The following LTBP1 variants were observed in gnomAD, a reference collection of about 807,000 sequenced individuals.
LTBP1 encodes latent-transforming growth factor beta-binding protein 1.
LTBP1 carries 129 observed loss-of-function variants against 207.6 expected under a neutral mutation model. The ratio of observed to expected loss-of-function variants is 0.62; its 90% CI spans 0.54 to 0.72. The LOEUF is 0.72. Among genes scored for constraint, LTBP1 ranks in the 30% least tolerant of loss-of-function variants. The pLI, the probability that LTBP1 is intolerant of heterozygous loss-of-function variation, is 0.00. For missense variants in LTBP1, 2,281 were observed against 2,217.2 expected, an observed-to-expected ratio of 1.03 and a Z score of -0.58; for synonymous variants, 963 against 833.7, an observed-to-expected ratio of 1.16 and a Z score of -2.67.
At chr2:32,984,234 T>C (rs1683199683) in intron 2 of LTBP1, among the ~76,000 whole-genome samples, 1 of 152,248 alleles carries the variant, frequency 6.6e-6, no homozygotes, top group Non-Finnish European at 1.5e-5. Context: ...ACTTTATTGC[T>C]AGTGATCATC....
chr2:32,989,728 T>C (rs1331468757), intron 2 of LTBP1, among the ~76,000 whole-genome samples: 1 of 152,194 alleles, frequency 6.6e-6, no homozygotes, highest in East Asian at 1.9e-4. Flanking sequence ...TGTGCTTACC[T>C]TTGAAAGATC....
intron 2 of LTBP1, among the ~76,000 whole-genome samples, chr2:33,013,382 C>T (rs1025302526): frequency 1.3e-5 from 2 of 151,770 alleles, no homozygotes; most frequent in Non-Finnish European, 2.9e-5. Flanking sequence ...TTATCTATTT[C>T]TGTTCTTTTT....
chr2:32,947,569 A>T lies in LTBP1; in HGVS notation c.245A>T (p.Glu82Val). Residue 82 changes from glutamate to valine, a missense_variant, in exon 1 of 34, where the codon GAG becomes GTG. Around this residue, in one of 3 missense-constraint regions of LTBP1, gnomAD observed 555 missense variants for 491.0 expected, o/e 1.13. Coordinates refer to ENST00000404816, the MANE Select transcript of LTBP1 (RefSeq NM_206943.4). ...PSRASPGVPS[E>V]RTRRTSKPGG... ...CGTGCCTCCCCCGGGGTCCCCTCGG[A>T]GAGGACCCGGCGCACGAGCAAGCCG... 1 of 1,342,364 alleles carries T rather than the reference A, an allele frequency of 7.4e-7. No homozygotes were observed. The highest frequency in any genetic ancestry group is 9.5e-7 in the Non-Finnish European group (1 of 1,050,378). 83.2% of individuals were successfully genotyped at this position (1,342,364 alleles called of 1,614,324 possible). A position where few individuals can be genotyped will look rare whatever the true frequency, so the allele number is the denominator to read the frequency against.
At chr2:33,397,814 G>A (rs2095373688) in intron 33 of LTBP1, among the ~76,000 whole-genome samples, 4 of 151,724 alleles carry the variant, frequency 2.6e-5, no homozygotes, top group South Asian at 2.1e-4. Context: ...GAGCCACCAC[G>A]CCTGGCCTCT....
In LTBP1 at chr2:33,290,489, C is replaced by A. The variant is rs76406546; in HGVS notation, c.3113-2671C>A. Among the ~76,000 whole-genome samples, 911 of 152,306 alleles carry A rather than the reference C, an allele frequency of 6.0e-3. 8 individuals carry two copies. The highest frequency in any genetic ancestry group is 0.021 in the African/African-American group (881 of 41,554). On this transcript the variant is annotated intron_variant, in intron 19 of 33. Coordinates refer to ENST00000404816, the MANE Select transcript of LTBP1 (RefSeq NM_206943.4). The stretch of plus-strand genomic sequence containing the variant: ...AAGGTTTTTAAAGTAGAGGAGCCAA[C>A]ACCATTTATCAGATTTGTATTTTAG...
chr2:33,157,591 G>C (rs1193144905), intron 5 of LTBP1, among the ~76,000 whole-genome samples: 2 of 152,190 alleles, frequency 1.3e-5, no homozygotes, highest in East Asian at 1.9e-4. Context: ...CCAGGCTTCT[G>C]ACTCCCATTG....
At chr2:33,205,352 T>C (rs895561788) in intron 7 of LTBP1, among the ~76,000 whole-genome samples, 1 of 152,238 alleles carries the variant, frequency 6.6e-6, no homozygotes, top group Non-Finnish European at 1.5e-5. Context: ...CTTGCGCTTT[T>C]TATAAGGCCA....
chr2:33,082,868 G>T (rs1448578831), intron 3 of LTBP1, among the ~76,000 whole-genome samples: 1 of 152,032 alleles, frequency 6.6e-6, no homozygotes, highest in African/African-American at 2.4e-5. Context: ...GCCGGTCACT[G>T]GGTGGGCATC....
At chr2:33,259,441 C>T (rs1308029606) in intron 12 of LTBP1, 147 bp from the exon 13 acceptor site, 5 of 492,004 alleles carry the variant, frequency 1.0e-5, no homozygotes, top group Non-Finnish European at 1.7e-5. Context: ...CCTAAAATGG[C>T]AGATGATCCT....
chr2:33,001,811 A>T (rs184181065), intron 2 of LTBP1, among the ~76,000 whole-genome samples: 1 of 135,504 alleles, frequency 7.4e-6, no homozygotes, highest in Admixed American at 7.6e-5. Context: ...GAATGTGACA[A>T]GTCATTGCTG....
rs1482710875 is a variant in LTBP1, at chr2:33,134,439, G to A, written c.1034-354G>A. On this transcript the variant is annotated intron_variant, in intron 4 of 33. Coordinates refer to ENST00000404816, the MANE Select transcript of LTBP1 (RefSeq NM_206943.4). This position sits in a 1 kb window ranked among gnomAD's most constrained non-coding sequence, Gnocchi z 4.4. ...TGCATTACATCTGCCTGTCAGGGTTGGCTCTTTAATCTGTCGTGCCCTCGG... is the reference window on the plus strand; with the variant it reads ...TGCATTACATCTGCCTGTCAGGGTTAGCTCTTTAATCTGTCGTGCCCTCGG... 3 of 708,332 alleles carry A rather than the reference G, an allele frequency of 4.2e-6. No individual in the cohort carries two copies. The South Asian group carries it at 4.4e-5, about 10-fold the overall frequency. 43.9% of individuals were successfully genotyped at this position (708,332 alleles called of 1,614,324 possible).
intron 3 of LTBP1, among the ~76,000 whole-genome samples, chr2:33,105,428 A>G (rs530379493): frequency 6.6e-6 from 1 of 151,244 alleles, no homozygotes; most frequent in Non-Finnish European, 1.5e-5. Flanking sequence ...TTCAAATCAT[A>G]TGTGATCTTC....
intron 31 of LTBP1, among the ~76,000 whole-genome samples, chr2:33,384,521 C>T (rs2095249301): frequency 6.6e-6 from 1 of 152,216 alleles, no homozygotes; most frequent in Non-Finnish European, 1.5e-5. Flanking sequence ...AAGTGCACCT[C>T]TCAGGGCAAG....
At chr2:33,271,211 A>G (rs1226674618) in intron 15 of LTBP1, among the ~76,000 whole-genome samples, 1 of 152,078 alleles carries the variant, frequency 6.6e-6, no homozygotes, top group Non-Finnish European at 1.5e-5. Context: ...GTTAGTGACT[A>G]CTCATCAAGC....
chr2:33,224,597 G>A (rs960286564), intron 9 of LTBP1, among the ~76,000 whole-genome samples: 1 of 152,124 alleles, frequency 6.6e-6, no homozygotes, highest in Non-Finnish European at 1.5e-5. Flanking sequence ...CGGTTATGGA[G>A]CAAATTAATA....
intron 7 of LTBP1, among the ~76,000 whole-genome samples, chr2:33,202,194 A>G (rs2089380803): frequency 6.6e-6 from 1 of 152,206 alleles, no homozygotes; most frequent in Non-Finnish European, 1.5e-5. Context: ...CATGGCTGAA[A>G]TTACTTTTTT....
At chr2:33,102,864 A>G (rs534378549) in intron 3 of LTBP1, among the ~76,000 whole-genome samples, 1 of 152,042 alleles carries the variant, frequency 6.6e-6, no homozygotes, top group South Asian at 2.1e-4. Flanking sequence ...CACTGTCTGT[A>G]TGCACAATCT....
chr2:33,183,344 C>T (rs1171689377), intron 5 of LTBP1, among the ~76,000 whole-genome samples: 1 of 152,170 alleles, frequency 6.6e-6, no homozygotes, highest in Non-Finnish European at 1.5e-5. Flanking sequence ...GAGGAGATGG[C>T]AGAACTACCT....
intron 5 of LTBP1, among the ~76,000 whole-genome samples, chr2:33,182,936 C>G (rs1371813325): frequency 2.2e-5 from 3 of 138,972 alleles, no homozygotes; most frequent in Non-Finnish European, 4.7e-5. Flanking sequence ...AATAGTACAG[C>G]TAATATTTAT....
Sources: allele counts gnomAD v4.1 joint callset (sites outside exome capture counted in the v4.1 genomes callset), GRCh38; gene constraint gnomAD v4.1.1; regional missense constraint gnomAD v4.1.1; non-coding constraint Gnocchi (gnomAD v3.1); transcripts MANE v1.5; gene names NCBI Gene and HGNC (gene_info 2026-07-23, HGNC 2026-07-21).